ATP7A: variants seen among roughly 807,000 people sequenced by gnomAD.
ATP7A encodes the protein copper-transporting ATPase 1.
In ATP7A, 7 loss-of-function variants were observed where a neutral mutation model predicts 83.5. The ratio of observed to expected loss-of-function variants is 0.08; its 90% CI spans 0.05 to 0.16. ATP7A has a LOEUF of 0.16. Among genes scored for constraint, ATP7A ranks in the 10% least tolerant of loss-of-function variants. The pLI is 1.00. For missense variants in ATP7A, 940 were observed against 1,120.8 expected, an observed-to-expected ratio of 0.84 and a Z score of 2.30; for synonymous variants, 354 against 395.2, an observed-to-expected ratio of 0.90 and a Z score of 1.24.
Position 78,048,141 on chromosome X carries a change from G to A in ATP7A, c.*1571G>A, listed in dbSNP as rs371941038. 1 of 112,217 alleles carries A rather than the reference G, an allele frequency of 8.9e-6. No individual in the cohort carries two copies. The highest frequency in any genetic ancestry group is 2.8e-4 in the East Asian group (1 of 3,573). 9.2% of individuals were successfully genotyped at this position (112,217 alleles called of 1,213,427 possible). ...GTTAGTGTGGTTGGCAAATTTAGGAGCTTGTTCCCATTGCCAAATGGATTT... is the reference window on the plus strand; with the variant it reads ...GTTAGTGTGGTTGGCAAATTTAGGAACTTGTTCCCATTGCCAAATGGATTT... On this transcript the variant is annotated 3_prime_UTR_variant, in exon 23 of 23. Transcript: ENST00000341514.
In ATP7A at chrX:78,002,368, C is replaced by T. The variant is rs376148946; in HGVS notation, c.1544-705C>T. Among the ~76,000 whole-genome samples, 21 of 109,635 alleles carry T rather than the reference C, an allele frequency of 1.9e-4. No individual in the cohort carries two copies. In the East Asian group the frequency reaches 4.5e-3, roughly 24 times the overall value. Reference sequence around the variant, plus strand: ...AAGTTCTGGGATTGCAGGCATGAGCCGTCATGCCCAGCCGAGTCCCTTTCT... The same window carrying T: ...AAGTTCTGGGATTGCAGGCATGAGCTGTCATGCCCAGCCGAGTCCCTTTCT... On this transcript the variant is annotated intron_variant, in intron 5 of 22. Transcript: ENST00000341514.
rs1291869673 is a variant in ATP7A, at chrX:78,003,796, G to A, written c.1707+560G>A. Among the ~76,000 whole-genome samples the A allele has an allele frequency of 4.5e-5, 5 of 110,690 alleles. No individual in the cohort carries two copies. The Admixed American group carries it at 4.9e-4, about 11-fold the overall frequency. On this transcript the variant is annotated intron_variant, in intron 6 of 22. Coordinates refer to ENST00000341514, the MANE Select transcript of ATP7A (RefSeq NM_000052.7). ...ATCTCTATGAAAAATACAAAAATTA[G>A]CCAGGTGTGATGGTGTGCTCCTGTA...
chrX:77,912,762 C>G (rs1367710965), intron 1 of ATP7A, among the ~76,000 whole-genome samples: 1 of 111,854 alleles, frequency 8.9e-6, no homozygotes, highest in East Asian at 2.8e-4. Context: ...GCAACTGTTC[C>G]AGGTTTTCCC....
rs1557234760 is a variant in ATP7A, at chrX:78,013,103, T to C, written c.2397T>C (p.His799=). Residue 799 remains histidine, a synonymous_variant, in exon 10 of 23, where the codon CAT becomes CAC. Transcript: ENST00000341514. ...VFIALGRWLE[H]IAKGKTSEAL... is the part of the protein sequence containing the mutation. ...TTGCACTAGGCCGATGGCTGGAACATATAGCAAAGGTAAAGTAAGAAAGGG... is the reference window on the plus strand; with the variant it reads ...TTGCACTAGGCCGATGGCTGGAACACATAGCAAAGGTAAAGTAAGAAAGGG... The C allele has an allele frequency of 8.3e-6, 10 of 1,202,262 alleles. No individual in the cohort carries two copies. Among genetic ancestry groups the C allele is most frequent in the African/African-American group, 1.8e-5 (1 of 57,030 alleles).
chrX:77,925,135 T>C (rs1433541375), intron 1 of ATP7A, among the ~76,000 whole-genome samples: 1 of 111,952 alleles, frequency 8.9e-6, no homozygotes, highest in East Asian at 2.8e-4. Flanking sequence ...AGAGAAAATA[T>C]ATGAAAAATA....
At chrX:78,029,695 T>G (rs781886677) in intron 15 of ATP7A, among the ~76,000 whole-genome samples, 1 of 111,828 alleles carries the variant, frequency 8.9e-6, no homozygotes, top group Non-Finnish European at 1.9e-5. Flanking sequence ...AAACCTGGAC[T>G]CCTATCCTAG....
rs1325311308 is a variant in ATP7A at position 78,038,882 on chromosome X, G to A, written c.3558G>A (p.Glu1186=). 4.1e-6 allele frequency: 5 copies of A among 1,208,697 alleles called. No homozygotes were observed. The African/African-American group carries it at 7.0e-5, about 17-fold the overall frequency. The change falls in exon 18 of 23, where the codon GAG becomes GAA. Residue 1186 remains glutamate (E), a synonymous_variant. Transcript: ENST00000341514. ...QQYKVLIGNR[E]WMIRNGLVIN... ...ATAAAGTCCTCATTGGTAACCGGGA[G>A]TGGATGATTAGAAATGGTCTTGTCA...
At chrX:77,971,472 C>T in intron 1 of ATP7A, 149 bp from the exon 2 acceptor site, 4 of 574,522 alleles carry the variant, frequency 7.0e-6, no homozygotes, top group Non-Finnish European at 8.4e-6. Context: ...GAATGCTTAC[C>T]ATATTTTATT....
intron 21 of ATP7A, among the ~76,000 whole-genome samples, chrX:78,045,133 G>T (rs782541718): frequency 8.9e-6 from 1 of 111,961 alleles, no homozygotes; most frequent in South Asian, 3.8e-4. Flanking sequence ...ACTCCCATAC[G>T]CTATTGGTTG....
At chrX:77,932,654 G>A (rs782047883) in intron 1 of ATP7A, among the ~76,000 whole-genome samples, 63 of 113,026 alleles carry the variant, frequency 5.6e-4, no homozygotes, top group African/African-American at 2.0e-3. Context: ...TGCAAACCCG[G>A]CACCTCGGGA....
intron 10 of ATP7A, among the ~76,000 whole-genome samples, chrX:78,013,699 T>G (rs1336777456): frequency 2.7e-5 from 3 of 112,195 alleles, no homozygotes; most frequent in Non-Finnish European, 5.6e-5. Flanking sequence ...TTGAACATAC[T>G]CATGTCTAAT....
At chrX:78,045,015 A>C (rs2078074957) in intron 21 of ATP7A, among the ~76,000 whole-genome samples, 1 of 112,507 alleles carries the variant, frequency 8.9e-6, no homozygotes, top group Non-Finnish European at 1.9e-5. Context: ...AGAAAAATAT[A>C]AAGAAGCACA....
rs983938779 is a variant in ATP7A at position 77,917,796 on chromosome X, A to G, written c.-22+6961A>G. On this transcript the variant is annotated intron_variant, in intron 1 of 22. Coordinates refer to ENST00000341514, the MANE Select transcript of ATP7A (RefSeq NM_000052.7). ...TTAGGTTATGTTCTACATTTGAAGC[A>G]TCTGGTCAGTTTTAGATTGTCTTCT... Among the ~76,000 whole-genome samples the G allele has an allele frequency of 2.7e-5, 3 of 112,122 alleles. No homozygotes were observed. In the Admixed American group the frequency reaches 2.9e-4, roughly 11 times the overall value.
At chrX:78,032,322 T>C (rs2077988371) in intron 16 of ATP7A, among the ~76,000 whole-genome samples, 1 of 111,261 alleles carries the variant, frequency 9.0e-6, no homozygotes, top group African/African-American at 3.3e-5. Context: ...TGTCTCTACA[T>C]TAAATGCCTA....
intron 22 of ATP7A, 57 bp from the exon 23 acceptor site, chrX:78,046,237 C>T (rs1557239076): frequency 4.3e-6 from 5 of 1,156,006 alleles, no homozygotes; most frequent in South Asian, 3.6e-5. Flanking sequence ...CTGCATGTAG[C>T]GAGCATCTCA....
intron 6 of ATP7A, among the ~76,000 whole-genome samples, chrX:78,005,575 C>T (rs1233607608): frequency 8.8e-5 from 9 of 102,080 alleles, no homozygotes; most frequent in East Asian, 3.2e-4. Context: ...CCCAGATACT[C>T]GGGAAGCTGA....
intron 4 of ATP7A, among the ~76,000 whole-genome samples, chrX:77,997,207 GCTATAC>G (rs1256294553): frequency 4.5e-5 from 5 of 112,087 alleles, no homozygotes; most frequent in South Asian, 3.7e-4. Flanking sequence ...AGTGTCCTTT[GCTATAC>G]TCAGACCTAG....
Position 77,951,219 on chromosome X carries a change from A to G in ATP7A, c.-21-20402A>G, listed in dbSNP as rs781897859. On this transcript the variant is annotated intron_variant, in intron 1 of 22. Coordinates refer to ENST00000341514, the MANE Select transcript of ATP7A (RefSeq NM_000052.7). ...CAAAATTTTAAAATTTCATTTAATTACATTTTAATCTCTTTTCCTTTACAG... is the reference window on the plus strand; with the variant it reads ...CAAAATTTTAAAATTTCATTTAATTGCATTTTAATCTCTTTTCCTTTACAG... Among the ~76,000 whole-genome samples the G allele has an allele frequency of 1.5e-4, 17 of 111,979 alleles. No individual in the cohort carries two copies. In the Admixed American group the frequency reaches 1.6e-3, roughly 11 times the overall value.
intron 1 of ATP7A, among the ~76,000 whole-genome samples, chrX:77,958,785 G>GTTTT (rs1312033727): frequency 3.6e-5 from 3 of 84,444 alleles, no homozygotes; most frequent in African/African-American, 1.3e-4. Context: ...ATGTTTTATA[G>GTTTT]TTTTTTTTTT....
Sources: allele counts gnomAD v4.1 joint callset (sites outside exome capture counted in the v4.1 genomes callset), GRCh38; gene constraint gnomAD v4.1.1; transcripts MANE v1.5; gene names NCBI Gene and HGNC (gene_info 2026-07-23, HGNC 2026-07-21).